DLC1: variants seen among roughly 807,000 people sequenced by gnomAD.
DLC1 encodes the protein DLC1 Rho GTPase activating protein, also known as rho GTPase-activating protein 7.
In DLC1, 54 loss-of-function variants were observed where a neutral mutation model predicts 140.3. The ratio of observed to expected loss-of-function variants is 0.38; its 90% CI spans 0.31 to 0.48. The LOEUF (loss-of-function observed/expected upper bound fraction) is 0.48. DLC1 is among the 20% of genes least tolerant of loss of function. The probability of loss-of-function intolerance (pLI) is 0.96; values close to 1 mark genes in which losing one functional copy is unlikely to be tolerated. For missense variants in DLC1, 2,536 were observed against 1,907.0 expected (o/e 1.33, Z -6.14); for synonymous variants, 986 against 728.1 (o/e 1.35, Z -5.70).
At chr8:13,319,235 G>A (rs1832985791) in intron 4 of DLC1, among the ~76,000 whole-genome samples, 1 of 152,206 alleles carries the variant, frequency 6.6e-6, no homozygotes, top group Non-Finnish European at 1.5e-5. Flanking sequence ...TTGTAAGCAT[G>A]TAAAAGACAC....
rs35305334 is a variant in DLC1, at chr8:13,258,419, G to C, written c.1348+46850C>G. Among the ~76,000 whole-genome samples, 696 of 152,210 alleles carry C rather than the reference G, an allele frequency of 4.6e-3. 9 individuals are homozygous for C. Among genetic ancestry groups the C allele is most frequent in the African/African-American group, 0.016 (670 of 41,536 alleles). The stretch of plus-strand genomic sequence containing the variant: ...AAGATAGGAGAGAATTTAGATTTTT[G>C]TTTCTAAAAATAGTTACCCATATAT... On this transcript the variant is annotated intron_variant, in intron 5 of 17. Transcript: ENST00000276297.
At chr8:13,338,293 C>A (rs1326881099) in intron 4 of DLC1, among the ~76,000 whole-genome samples, 1 of 152,076 alleles carries the variant, frequency 6.6e-6, no homozygotes, top group Non-Finnish European at 1.5e-5. Flanking sequence ...ATTAGAGTCA[C>A]AAAGCCATGG....
At chr8:13,123,121 G>A (rs763019914) in intron 5 of DLC1, among the ~76,000 whole-genome samples, 1 of 152,130 alleles carries the variant, frequency 6.6e-6, no homozygotes, top group Non-Finnish European at 1.5e-5. Flanking sequence ...GAAACGAACT[G>A]GTTTCCTAAG....
At chr8:13,092,183 T>G (rs181903491) in intron 13 of DLC1, among the ~76,000 whole-genome samples, 4 of 152,304 alleles carry the variant, frequency 2.6e-5, no homozygotes, top group African/African-American at 9.6e-5. Context: ...AGGCAGAGGT[T>G]GCAGTGAGCT....
chr8:13,362,428 G>A (rs192533837), intron 4 of DLC1, among the ~76,000 whole-genome samples: 5 of 152,246 alleles, frequency 3.3e-5, no homozygotes, highest in African/African-American at 1.2e-4. Context: ...TCTGTATGGT[G>A]GGGATCCAAG....
At chr8:13,574,720 T>C (rs920504171) in intron 1 of DLC1, among the ~76,000 whole-genome samples, 2 of 152,214 alleles carry the variant, frequency 1.3e-5, no homozygotes, top group African/African-American at 4.8e-5. Context: ...AACAGCATTA[T>C]AGTAATGAAA....
chr8:13,490,493 G>T (rs923522373), intron 2 of DLC1, among the ~76,000 whole-genome samples: 5 of 152,176 alleles, frequency 3.3e-5, no homozygotes, highest in Non-Finnish European at 5.9e-5. Context: ...AACAGATCCT[G>T]TTGGCACCAC....
At chr8:13,091,907 G>C (rs1274473240) in intron 13 of DLC1, among the ~76,000 whole-genome samples, 2 of 152,064 alleles carry the variant, frequency 1.3e-5, no homozygotes, top group African/African-American at 2.4e-5. Context: ...CTCATCTCTA[G>C]CTCTGTATCC....
rs183074105 is a variant in DLC1 at position 13,314,654 on chromosome 8, C to T, written c.1315-9352G>A. 7.9e-5 allele frequency among the ~76,000 whole-genome samples: 12 copies of T among 152,244 alleles called. 1 individual carries two copies. Among genetic ancestry groups the T allele is most frequent in the Admixed American group, 5.9e-4 (9 of 15,298 alleles). On this transcript the variant is annotated intron_variant, in intron 4 of 17. Transcript: ENST00000276297. ...GATATTCTCACCATTTCATAACATC[C>T]AACTTAAAAACTTTTGGTAGATCCA... is the stretch of plus-strand genomic sequence containing the variant.
At chr8:13,249,545 T>C (rs1829913805) in intron 5 of DLC1, among the ~76,000 whole-genome samples, 1 of 152,204 alleles carries the variant, frequency 6.6e-6, no homozygotes, top group South Asian at 2.1e-4. Flanking sequence ...GCCAAGGCTC[T>C]CTTCACTTGT....
chr8:13,154,237 C>T (rs1472311960), intron 5 of DLC1, among the ~76,000 whole-genome samples: 1 of 152,246 alleles, frequency 6.6e-6, no homozygotes, highest in Non-Finnish European at 1.5e-5. Flanking sequence ...CTCGGGTGGT[C>T]ACCATGGAGC....
At position 13,313,907 on chromosome 8, in the gene DLC1, A is replaced by G. The variant is rs73562527; in HGVS notation, c.1315-8605T>C. The stretch of plus-strand genomic sequence containing the variant: ...AAACTAGCTATTACTAGGTGGGCCT[A>G]TTCTTTGTCCTTTTAGGTAAGCCAG... On this transcript the variant is annotated intron_variant, in intron 4 of 17. Coordinates refer to ENST00000276297, the MANE Select transcript of DLC1 (RefSeq NM_182643.3). Among the ~76,000 whole-genome samples the G allele has an allele frequency of 9.9e-3, 1,499 of 152,090 alleles. 23 individuals are homozygous for G. The highest frequency in any genetic ancestry group is 0.034 in the African/African-American group (1,409 of 41,492).
rs1229716559 is a variant in DLC1, at chr8:13,592,414, CA to C, written c.-126+12122del. ...TTTATTTATATTTTTATATTTCTCC[CA>C]TTTTTTGTAGCAAACATATGGATCT... On this transcript the variant is annotated intron_variant, in intron 1 of 1. Coordinates refer to the DLC1 transcript ENST00000631382. Among the ~76,000 whole-genome samples the C allele has an allele frequency of 2.6e-5, 4 of 151,730 alleles. No individual in the cohort carries two copies. The East Asian group carries it at 7.8e-4, about 30-fold the overall frequency.
chr8:13,185,308 G>A (rs1168538532), intron 5 of DLC1, among the ~76,000 whole-genome samples: 10 of 141,912 alleles, frequency 7.0e-5, no homozygotes, highest in African/African-American at 2.6e-4. Context: ...TTGTTTGTTT[G>A]TTTGTTTGTT....
At chr8:13,092,520 A>T in intron 13 of DLC1, 92 bp downstream of exon 13, 1 of 1,402,264 alleles carries the variant, frequency 7.1e-7, no homozygotes, top group Non-Finnish European at 9.8e-7. Context: ...TGCTTGTTTC[A>T]GGAAAGAGTC....
chr8:13,566,836 C>A, intron 1 of DLC1: 1 of 986,834 alleles, frequency 1.0e-6, no homozygotes, highest in Non-Finnish European at 1.4e-6. Flanking sequence ...GAGCGGCCCG[C>A]GTTGCCAAGA....
intron 5 of DLC1, among the ~76,000 whole-genome samples, chr8:13,270,104 A>C (rs191456600): frequency 2.6e-5 from 4 of 152,170 alleles, no homozygotes; most frequent in Non-Finnish European, 1.5e-5. Context: ...TTAACTGCCA[A>C]CTATACCTAA....
At chr8:13,477,307 G>T (rs1452122749) in intron 2 of DLC1, among the ~76,000 whole-genome samples, 1 of 152,212 alleles carries the variant, frequency 6.6e-6, no homozygotes, top group African/African-American at 2.4e-5. Flanking sequence ...GTAATTTAAA[G>T]AAAGTGGAAG....
chr8:13,399,243 G>A (rs1357363659), intron 3 of DLC1, among the ~76,000 whole-genome samples: 2 of 152,140 alleles, frequency 1.3e-5, no homozygotes, highest in Non-Finnish European at 2.9e-5. Flanking sequence ...GACAACCAGG[G>A]AATTCTGGTT....
Sources: gnomAD v4.1 joint callset for allele counts (sites outside exome capture counted in the v4.1 genomes callset) on GRCh38, gnomAD v4.1.1 for gene constraint, MANE v1.5 for transcripts, NCBI Gene and HGNC (gene_info 2026-07-23, HGNC 2026-07-21) for gene names.